The following SNN variants were observed in gnomAD, a reference collection of about 807,000 sequenced individuals.
The protein encoded by SNN is stannin.
SNN carries 5 observed loss-of-function variants against 5.3 expected under a neutral mutation model. That is an observed-to-expected ratio of 0.94 (90% CI 0.49 to 1.97). The LOEUF is 1.97. Ranked by LOEUF, SNN falls within the 30% of genes most tolerant of loss-of-function variation. SNN has a pLI of 0.01. For synonymous variants in SNN, 67 were observed against 52.1 expected, an observed-to-expected ratio of 1.29 and a Z score of -1.24; for missense variants, 127 against 121.6, an observed-to-expected ratio of 1.04 and a Z score of -0.21.
At chr16:11,674,445 G>T (rs2050285660) in intron 1 of SNN, among the ~76,000 whole-genome samples, 1 of 152,218 alleles carries the variant, frequency 6.6e-6, no homozygotes, top group South Asian at 2.1e-4. Context: ...TGTGCCTTGG[G>T]TGTCACCTAG....
chr16:11,675,258 C>CTTTTTTTTTTTTTTTTTTTTTTTTT (rs769141223), intron 1 of SNN, among the ~76,000 whole-genome samples: 1 of 125,310 alleles, frequency 8.0e-6, no homozygotes, highest in Non-Finnish European at 1.7e-5. Context: ...TTTTTTTTTT[C>CTTTTTTTTTTTTTTTTTTTTTTTTT]TTTTTTTTTT....
chr16:11,669,143 C>T (rs960165836), intron 1 of SNN, among the ~76,000 whole-genome samples: 1 of 152,216 alleles, frequency 6.6e-6, no homozygotes, highest in Non-Finnish European at 1.5e-5. Flanking sequence ...GGCCGAGCCC[C>T]CTCCTCCCTG....
At chr16:11,670,219 T>TGGGG (rs145789425) in intron 1 of SNN, among the ~76,000 whole-genome samples, 275 of 150,766 alleles carry the variant, frequency 1.8e-3, no homozygotes, top group African/African-American at 6.5e-3. Context: ...GGTGGCTTTA[T>TGGGG]GGGGGGAGGC....
Position 11,676,434 on chromosome 16 carries a change from G to A in SNN, c.*108G>A. On this transcript the variant is annotated 3_prime_UTR_variant, in exon 2 of 2. Transcript: ENST00000329565. ...CTGAGAGGAAGGGCTGACACTTGCT[G>A]GCATGGCCTCTGCGGGCTTCGTCAT... 3 of 1,349,454 alleles carry A rather than the reference G, an allele frequency of 2.2e-6. No individual in the cohort carries two copies. Among genetic ancestry groups the A allele is most frequent in the South Asian group, 2.8e-5 (2 of 70,902 alleles). The allele number at this position is 1,349,454 out of a possible 1,614,324, so 83.6% of individuals were successfully genotyped here.
At chr16:11,674,681 A>G (rs1468540125) in intron 1 of SNN, among the ~76,000 whole-genome samples, 1 of 152,178 alleles carries the variant, frequency 6.6e-6, no homozygotes, top group Non-Finnish European at 1.5e-5. Context: ...CACCCAAATC[A>G]GCTGGTGCCC....
chr16:11,673,693 G>A (rs976061002), intron 1 of SNN, among the ~76,000 whole-genome samples: 6 of 152,232 alleles, frequency 3.9e-5, no homozygotes, highest in African/African-American at 7.2e-5. Context: ...AGGGTAAGCC[G>A]CCAGAACGTT....
rs368766523 is a variant in SNN, at chr16:11,674,301, C to T, written c.-85-1674C>T. The stretch of plus-strand genomic sequence containing the variant: ...CCTCACTGACCCCGGGTGCAGCCAG[C>T]GTTTGCTCTGTTTGTGGCGAGCGAG... On this transcript the variant is annotated intron_variant, in intron 1 of 1. Transcript: ENST00000329565. 3.5e-3 allele frequency among the ~76,000 whole-genome samples: 531 copies of T among 152,290 alleles called. 1 individual carries two copies. Among genetic ancestry groups the T allele is most frequent in the Middle Eastern group, 0.014 (4 of 294 alleles).
intron 1 of SNN, among the ~76,000 whole-genome samples, chr16:11,674,215 C>T (rs973939368): frequency 2.6e-5 from 4 of 152,222 alleles, no homozygotes; most frequent in African/African-American, 9.6e-5. Flanking sequence ...CCAGACGTGT[C>T]GTTCTGAGTG....
At chr16:11,670,557 C>T (rs1401838083) in intron 1 of SNN, among the ~76,000 whole-genome samples, 4 of 152,214 alleles carry the variant, frequency 2.6e-5, no homozygotes, top group Non-Finnish European at 5.9e-5. Context: ...ACCTGGTGAC[C>T]TCATGTCCCT....
rs148032222 is a variant in SNN, at chr16:11,672,663, G to A, written c.-85-3312G>A. 3.8e-3 allele frequency among the ~76,000 whole-genome samples: 584 copies of A among 152,294 alleles called. 3 individuals carry two copies. The highest frequency in any genetic ancestry group is 0.013 in the African/African-American group (559 of 41,554). On this transcript the variant is annotated intron_variant, in intron 1 of 1. Coordinates refer to ENST00000329565, the MANE Select transcript of SNN (RefSeq NM_003498.6). This position sits in a 1 kb window ranked among gnomAD's most constrained non-coding sequence, Gnocchi z 6.0. The stretch of plus-strand genomic sequence containing the variant: ...GGGAGGGCCGGACCACAGGCCAGGC[G>A]TGACTGTGGCTCAGTCACTGGGCTC...
chr16:11,676,230 G>C lies in SNN; in HGVS notation c.171G>C (p.Lys57Asn). 6.2e-7 allele frequency: 1 copy of C among 1,614,236 alleles called. No homozygotes were observed. The change falls in exon 2 of 2, where the codon AAG (lysine) becomes AAC (asparagine). Residue 57 changes from lysine (K) to asparagine (N), a missense_variant. Lys to Asn is a moderately conservative substitution (Grantham distance 94). Coordinates refer to ENST00000329565, the MANE Select transcript of SNN (RefSeq NM_003498.6). ...EESIVGDGET[K>N]EPFLLVQYSA... ...GCATCGTGGGGGATGGGGAGACCAA[G>C]GAACCCTTCCTGCTGGTGCAGTATT...
chr16:11,678,776 C>A lies in SNN; in HGVS notation c.*2450C>A. The A allele has an allele frequency of 5.2e-6, 1 of 190,662 alleles. No homozygotes were observed. The highest frequency in any genetic ancestry group is 1.2e-5 in the Non-Finnish European group (1 of 82,762). The allele number at this position is 190,662 out of a possible 1,614,324, so 11.8% of individuals were successfully genotyped here. ...AATAGCTACTTTTTTTAGCAGACAC[C>A]AGAGCCACACTCAAATGGCTAAGTA... is the stretch of plus-strand genomic sequence containing the variant. On this transcript the variant is annotated 3_prime_UTR_variant, in exon 2 of 2. Coordinates refer to ENST00000329565, the MANE Select transcript of SNN (RefSeq NM_003498.6).
intron 1 of SNN, among the ~76,000 whole-genome samples, chr16:11,669,800 A>T (rs1418925872): frequency 6.6e-6 from 1 of 152,172 alleles, no homozygotes; most frequent in Non-Finnish European, 1.5e-5. Context: ...ACCTTGGGGC[A>T]GTCCCGGTTC....
At chr16:11,670,621 G>C (rs536441965) in intron 1 of SNN, among the ~76,000 whole-genome samples, 18 of 152,360 alleles carry the variant, frequency 1.2e-4, no homozygotes, top group African/African-American at 3.8e-4. Context: ...TGGTAGATGA[G>C]GTCAGGGACT....
At position 11,674,306 on chromosome 16, in the gene SNN, GCT is replaced by G. The variant is rs561715085; in HGVS notation, c.-85-1666_-85-1665del. ...CTGACCCCGGGTGCAGCCAGCGTTTGCTCTGTTTGTGGCGAGCGAGGCAGGAG... is the reference window on the plus strand; with the variant it reads ...CTGACCCCGGGTGCAGCCAGCGTTTGCTGTTTGTGGCGAGCGAGGCAGGAG... On this transcript the variant is annotated intron_variant, in intron 1 of 1. Coordinates refer to ENST00000329565, the MANE Select transcript of SNN (RefSeq NM_003498.6). 4.8e-4 allele frequency among the ~76,000 whole-genome samples: 73 copies of G among 152,348 alleles called. 2 individuals are homozygous for G. The highest frequency in any genetic ancestry group is 1.7e-3 in the African/African-American group (71 of 41,590).
rs987269927 is a variant in SNN, at chr16:11,677,278, G to A, written c.*952G>A. The A allele has an allele frequency of 6.0e-6, 1 of 167,308 alleles. No individual in the cohort carries two copies. The highest frequency in any genetic ancestry group is 1.5e-5 in the Non-Finnish European group (1 of 68,250). 10.4% of individuals were successfully genotyped at this position (167,308 alleles called of 1,614,324 possible). On this transcript the variant is annotated 3_prime_UTR_variant, in exon 2 of 2. Coordinates refer to ENST00000329565, the MANE Select transcript of SNN (RefSeq NM_003498.6). This position sits in a 1 kb window ranked among gnomAD's most constrained non-coding sequence, Gnocchi z 4.2. ...AGAAAAGGTTGTATGTTTTGTGTTG[G>A]TGTTTCCTATTTTCTGCACTGGAGG...
rs564834483 is a variant in SNN at position 11,671,795 on chromosome 16, G to A, written c.-86+3255G>A. 1.3e-5 allele frequency among the ~76,000 whole-genome samples: 2 copies of A among 152,302 alleles called. No individual in the cohort carries two copies. Among genetic ancestry groups the A allele is most frequent in the African/African-American group, 2.4e-5 (1 of 41,554 alleles). Reference sequence around the variant, plus strand: ...TAGAAAGGAAGAACAGACAGGTGGGGTCCAGCCAGGCACAGGGGCTTGTGG... The same window carrying A: ...TAGAAAGGAAGAACAGACAGGTGGGATCCAGCCAGGCACAGGGGCTTGTGG... On this transcript the variant is annotated intron_variant, in intron 1 of 1. Coordinates refer to ENST00000329565, the MANE Select transcript of SNN (RefSeq NM_003498.6). The surrounding 1 kb of genome is among the most constrained non-coding windows in gnomAD (Gnocchi z 4.7).
At chr16:11,674,256 C>T (rs372213320) in intron 1 of SNN, among the ~76,000 whole-genome samples, 114 of 151,908 alleles carry the variant, frequency 7.5e-4, no homozygotes, top group African/African-American at 2.4e-3. Context: ...GTGTAGAACG[C>T]GTCTCGGGCC....
At position 11,679,146 on chromosome 16, in the gene SNN, T is replaced by C. The variant is rs1236659614; in HGVS notation, c.*2820T>C. 1 of 1,569,692 alleles carries C rather than the reference T, an allele frequency of 6.4e-7. No homozygotes were observed. Among genetic ancestry groups the C allele is most frequent in the African/African-American group, 1.4e-5 (1 of 73,036 alleles). The stretch of plus-strand genomic sequence containing the variant: ...TTTCAATAAAATTTGCATAAATATA[T>C]TCCCAATGTACAATTTTCACCTCTG... On this transcript the variant is annotated 3_prime_UTR_variant, in exon 2 of 2. Coordinates refer to ENST00000329565, the MANE Select transcript of SNN (RefSeq NM_003498.6). This position sits in a 1 kb window ranked among gnomAD's most constrained non-coding sequence, Gnocchi z 4.6.
Sources: gnomAD v4.1 joint callset for allele counts (sites outside exome capture counted in the v4.1 genomes callset) on GRCh38, gnomAD v4.1.1 for gene constraint, Gnocchi (gnomAD v3.1) non-coding constraint, MANE v1.5 for transcripts, NCBI Gene and HGNC (gene_info 2026-07-23, HGNC 2026-07-21) for gene names.